Variants in INSYN2B observed in about 807,000 individuals in gnomAD.
INSYN2B encodes inhibitory synaptic factor family member 2B, also known as protein INSYN2B.
In INSYN2B, 16 loss-of-function variants were observed where a neutral mutation model predicts 41.2. The ratio of observed to expected loss-of-function variants is 0.39; its 90% CI spans 0.26 to 0.59. The LOEUF is 0.59. Among genes scored for constraint, INSYN2B ranks in the 20% least tolerant of loss-of-function variants. The probability of loss-of-function intolerance (pLI) is 0.57; values close to 1 mark genes in which losing one functional copy is unlikely to be tolerated. For missense variants in INSYN2B, 608 were observed against 646.4 expected (o/e 0.94, Z 0.64); for synonymous variants, 245 against 244.4 (o/e 1.00, Z -0.02).
At chr5:169,954,046 A>C (rs1776769540) in intron 1 of INSYN2B, among the ~76,000 whole-genome samples, 4 of 152,250 alleles carry the variant, frequency 2.6e-5, no homozygotes, top group Non-Finnish European at 5.9e-5. Flanking sequence ...CAATCCTAAG[A>C]CTTTCAAAGA....
chr5:169,881,489 G>T, intron 2 of INSYN2B, 47 bp from the exon 3 acceptor site: 1 of 1,454,356 alleles, frequency 6.9e-7, no homozygotes, highest in Non-Finnish European at 9.4e-7. Flanking sequence ...CAAAAGTCAC[G>T]TGGGCCACAA....
intron 1 of INSYN2B, chr5:169,934,603 C>A (rs1267975813): frequency 2.2e-6 from 1 of 455,706 alleles, no homozygotes; most frequent in Non-Finnish European, 4.4e-6. Flanking sequence ...GCTGTCTGAC[C>A]TTGGGCAAGA....
At chr5:169,970,884 G>A (rs1777477861) in intron 1 of INSYN2B, among the ~76,000 whole-genome samples, 2 of 152,082 alleles carry the variant, frequency 1.3e-5, no homozygotes, top group Admixed American at 1.3e-4. Flanking sequence ...TTCTTTAATT[G>A]AGTGTGGATC....
At chr5:169,956,034 G>C (rs1249668558) in intron 1 of INSYN2B, among the ~76,000 whole-genome samples, 1 of 147,286 alleles carries the variant, frequency 6.8e-6, no homozygotes, top group East Asian at 2.2e-4. Flanking sequence ...GGGAGACATA[G>C]ATTTGAAAAA....
chr5:169,949,624 A>C (rs1776581600), intron 1 of INSYN2B, among the ~76,000 whole-genome samples: 1 of 136,702 alleles, frequency 7.3e-6, no homozygotes, highest in Non-Finnish European at 1.6e-5. Flanking sequence ...TGCCATGATC[A>C]GGTTAGAATT....
At chr5:169,902,638 G>T (rs1255513222) in intron 1 of INSYN2B, among the ~76,000 whole-genome samples, 2 of 152,310 alleles carry the variant, frequency 1.3e-5, no homozygotes, top group Non-Finnish European at 2.9e-5. Context: ...TGGGTTCCTG[G>T]CATGATGCTG....
chr5:169,942,741 G>C (rs565518232), intron 1 of INSYN2B, among the ~76,000 whole-genome samples: 1 of 152,162 alleles, frequency 6.6e-6, no homozygotes, highest in Admixed American at 6.5e-5. Flanking sequence ...GAGAGACCAC[G>C]AGGGTTCAGG....
At chr5:169,933,023 C>T (rs1226306921) in intron 1 of INSYN2B, among the ~76,000 whole-genome samples, 3 of 152,216 alleles carry the variant, frequency 2.0e-5, no homozygotes, top group Admixed American at 6.5e-5. Flanking sequence ...GAAATGGTTT[C>T]TCCGGCAGGT....
rs374211096 is a variant in INSYN2B, at chr5:169,972,587, G to A, written c.-919+7690C>T. On this transcript the variant is annotated intron_variant, in intron 1 of 3. Transcript: ENST00000377365. ...TAGATAGATAGATAGATAGATAGAT[G>A]ATAGATAGATAGATAGATAGATAGA... is the stretch of plus-strand genomic sequence containing the variant. Among the ~76,000 whole-genome samples the A allele has an allele frequency of 5.7e-4, 12 of 21,122 alleles. 1 individual carries two copies. Among genetic ancestry groups the A allele is most frequent in the South Asian group, 2.3e-3 (1 of 438 alleles). 13.9% of individuals were successfully genotyped at this position (21,122 alleles called of 152,430 possible).
intron 1 of INSYN2B, among the ~76,000 whole-genome samples, chr5:169,922,153 T>C (rs956163121): frequency 6.6e-6 from 1 of 152,212 alleles, no homozygotes; most frequent in African/African-American, 2.4e-5. Context: ...GTCATCAATA[T>C]TTGCATAGCT....
At chr5:169,946,581 T>G (rs769718665) in intron 1 of INSYN2B, among the ~76,000 whole-genome samples, 1 of 152,220 alleles carries the variant, frequency 6.6e-6, no homozygotes, top group Non-Finnish European at 1.5e-5. Flanking sequence ...ATTCATTCAT[T>G]CATTCACTTT....
rs140122768 is a variant in INSYN2B, at chr5:169,928,513, C to T, written c.-918-43697G>A. On this transcript the variant is annotated intron_variant, in intron 1 of 3. Transcript: ENST00000377365. ...TGCTGCTGAGAGTGAATCCAAGTTA[C>T]GGGAGTAACCTTGCTGAGCAGGAGG... Among the ~76,000 whole-genome samples the T allele has an allele frequency of 3.8e-3, 575 of 152,286 alleles. 1 individual carries two copies. Among genetic ancestry groups the T allele is most frequent in the Middle Eastern group, 0.017 (5 of 294 alleles).
chr5:169,951,307 C>T lies in INSYN2B; in HGVS notation c.-919+28970G>A, dbSNP rs369585982. Among the ~76,000 whole-genome samples, 281 of 152,310 alleles carry T rather than the reference C, an allele frequency of 1.8e-3. 6 individuals carry two copies. In the South Asian group the frequency reaches 0.048, roughly 26 times the overall value. Reference sequence around the variant, plus strand: ...TTCTTTGGTCCTCTTGTTTGTTTCACGGACATTCCTTCTGATGCTGCATAT... The same window carrying T: ...TTCTTTGGTCCTCTTGTTTGTTTCATGGACATTCCTTCTGATGCTGCATAT... On this transcript the variant is annotated intron_variant, in intron 1 of 3. Coordinates refer to ENST00000377365, the MANE Select transcript of INSYN2B (RefSeq NM_001129891.3).
At chr5:169,974,334 G>A (rs557849566) in intron 1 of INSYN2B, among the ~76,000 whole-genome samples, 19 of 152,270 alleles carry the variant, frequency 1.2e-4, no homozygotes, top group African/African-American at 3.4e-4. Flanking sequence ...TTTTAACAGC[G>A]TCTAACACAT....
At chr5:169,901,879 T>A (rs1190451016) in intron 1 of INSYN2B, among the ~76,000 whole-genome samples, 2 of 152,182 alleles carry the variant, frequency 1.3e-5, no homozygotes, top group Non-Finnish European at 2.9e-5. Flanking sequence ...AGCTACCCCT[T>A]CCTCTGCATG....
At chr5:169,939,769 TC>T (rs1776157929) in intron 1 of INSYN2B, among the ~76,000 whole-genome samples, 1 of 152,198 alleles carries the variant, frequency 6.6e-6, no homozygotes, top group African/African-American at 2.4e-5. Flanking sequence ...GGAACTCAGC[TC>T]TATATTAAGG....
At chr5:169,979,783 A>T (rs1777875926) in intron 1 of INSYN2B, among the ~76,000 whole-genome samples, 1 of 152,226 alleles carries the variant, frequency 6.6e-6, no homozygotes, top group Admixed American at 6.5e-5. Flanking sequence ...TAAGAAATTA[A>T]CAAGCTGGTA....
chr5:169,951,835 G>A (rs1776678978), intron 1 of INSYN2B, among the ~76,000 whole-genome samples: 1 of 152,164 alleles, frequency 6.6e-6, no homozygotes, highest in Non-Finnish European at 1.5e-5. Context: ...ACAAAACTGA[G>A]AAGCTGAAAA....
At position 169,863,794 on chromosome 5, in the gene INSYN2B, T is replaced by C. The variant is rs1771358083; in HGVS notation, c.*479A>G. On this transcript the variant is annotated 3_prime_UTR_variant, in exon 4 of 4. Transcript: ENST00000377365. ...TGTGCTTATTATGTATGCTGATATC[T>C]TAGAAAACTGCCAGTTTATCTCATT... is the stretch of plus-strand genomic sequence containing the variant. Among the ~76,000 whole-genome samples the C allele has an allele frequency of 6.6e-6, 1 of 152,266 alleles. No homozygotes were observed. The highest frequency in any genetic ancestry group is 6.5e-5 in the Admixed American group (1 of 15,288).
Sources: allele counts gnomAD v4.1 joint callset (sites outside exome capture counted in the v4.1 genomes callset), GRCh38; gene constraint gnomAD v4.1.1; transcripts MANE v1.5; gene names NCBI Gene and HGNC (gene_info 2026-07-23, HGNC 2026-07-21).